ADGRF5: variants seen among roughly 807,000 people sequenced by gnomAD.
The protein encoded by ADGRF5 is G-protein coupled receptor 116.
In ADGRF5, 75 loss-of-function variants were observed where a neutral mutation model predicts 132.3. The ratio of observed to expected loss-of-function variants is 0.57; its 90% CI spans 0.47 to 0.69. ADGRF5 has a LOEUF of 0.69. Ranked by LOEUF, ADGRF5 falls within the 30% of genes least tolerant of loss-of-function variation. The pLI is 0.00. For missense variants in ADGRF5, 1,516 were observed against 1,630.6 expected, an observed-to-expected ratio of 0.93 and a Z score of 1.21; for synonymous variants, 629 against 597.6, an observed-to-expected ratio of 1.05 and a Z score of -0.77.
At chr6:46,896,164 G>A (rs532141251) in intron 3 of ADGRF5, among the ~76,000 whole-genome samples, 21 of 152,232 alleles carry the variant, frequency 1.4e-4, no homozygotes, top group African/African-American at 5.1e-4. Context: ...TAACCATGGG[G>A]ATACTTTTCA....
At chr6:46,910,693 T>TCAACCAAC (rs150305794) in intron 1 of ADGRF5, among the ~76,000 whole-genome samples, 1 of 151,930 alleles carries the variant, frequency 6.6e-6, no homozygotes. Flanking sequence ...TGGTGGGAAA[T>TCAACCAAC]CAACCAACCA....
In ADGRF5 at chr6:46,860,813, G is replaced by A; in HGVS notation, c.2281C>T (p.His761Tyr). The change falls in exon 16 of 21, where the codon CAT (histidine) becomes TAT (tyrosine). Residue 761 changes from histidine (H) to tyrosine (Y), a missense_variant. Around this residue, in one of 2 missense-constraint regions of ADGRF5, gnomAD observed 945 missense variants for 929.4 expected, o/e 1.02. Coordinates refer to ENST00000283296, the MANE Select transcript of ADGRF5 (RefSeq NM_001098518.2). ...CTCCCAGGAGAAGAGCTGATTTCAT[G>A]TTCCGCTTTGTCTATGCTAATAGAA... ...DLSISIDKAE[H>Y]EISSSPGSLG... is the part of the protein sequence containing the mutation. The A allele has an allele frequency of 6.2e-7, 1 of 1,613,388 alleles. No individual in the cohort carries two copies. The highest frequency in any genetic ancestry group is 8.5e-7 in the Non-Finnish European group (1 of 1,179,300).
Position 46,944,164 on chromosome 6 carries a change from G to A in ADGRF5, c.-25+10570C>T, listed in dbSNP as rs575828851. Among the ~76,000 whole-genome samples the A allele has an allele frequency of 3.6e-4, 55 of 152,310 alleles. 1 individual carries two copies. The highest frequency in any genetic ancestry group is 3.3e-4 in the Admixed American group (5 of 15,306). On this transcript the variant is annotated intron_variant, in intron 1 of 20. Coordinates refer to the ADGRF5 transcript ENST00000265417. ...AGTTTTCTAGAAGACCAGTAGAAGC[G>A]GGAGAAGCAGGGGCATGGTTTCAGG...
At chr6:46,900,164 A>C in intron 2 of ADGRF5, 81 bp from the exon 3 acceptor site, 1 of 890,388 alleles carries the variant, frequency 1.1e-6, no homozygotes, top group Non-Finnish European at 1.8e-6. Flanking sequence ...ATACCCCTAA[A>C]TGTTGGAGCT....
In ADGRF5 at chr6:46,877,306, T is replaced by TCTCCTTCCTTCC. The variant is rs369575219; in HGVS notation, c.1240+895_1240+896insGGAAGGAAGGAG. Among the ~76,000 whole-genome samples, 282 of 77,080 alleles carry TCTCCTTCCTTCC rather than the reference T, an allele frequency of 3.7e-3. 2 individuals carry two copies. Among genetic ancestry groups the TCTCCTTCCTTCC allele is most frequent in the East Asian group, 4.8e-3 (12 of 2,510 alleles). The allele number at this position is 77,080 out of a possible 152,430, so 50.6% of individuals were successfully genotyped here. On this transcript the variant is annotated intron_variant, in intron 10 of 20. Transcript: ENST00000283296. The stretch of plus-strand genomic sequence containing the variant: ...TTCTTTCTTTCTCTCTCTCTCTCTC[T>TCTCCTTCCTTCC]TTCCTTCCTTCCTTCCTTCTTTCTT...
chr6:46,871,219 C>T (rs917970053), intron 11 of ADGRF5, among the ~76,000 whole-genome samples: 16 of 152,028 alleles, frequency 1.1e-4, no homozygotes, highest in Admixed American at 2.0e-4. Flanking sequence ...CCTCTTTTTA[C>T]ACGTGGGGTG....
At chr6:46,932,465 C>A (rs2150936313) in intron 1 of ADGRF5, among the ~76,000 whole-genome samples, 1 of 152,254 alleles carries the variant, frequency 6.6e-6, no homozygotes, top group South Asian at 2.1e-4. Flanking sequence ...AGAAAAGTCA[C>A]AGCATGGTTG....
rs547448559 is a variant in ADGRF5, at chr6:46,875,197, G to T, written c.1240+3005C>A. On this transcript the variant is annotated intron_variant, in intron 10 of 20. Transcript: ENST00000283296. Reference sequence around the variant, plus strand: ...AAGAGTGGAGAAAAGGCTCCAAAGAGGTGGTAAACTCAGAAAACACAAGCA... The same window carrying T: ...AAGAGTGGAGAAAAGGCTCCAAAGATGTGGTAAACTCAGAAAACACAAGCA... Among the ~76,000 whole-genome samples the T allele has an allele frequency of 9.2e-5, 14 of 152,218 alleles. No homozygotes were observed. In the East Asian group the frequency reaches 2.7e-3, roughly 29 times the overall value.
At chr6:46,899,149 G>T in intron 3 of ADGRF5, among the ~76,000 whole-genome samples, 1 of 152,124 alleles carries the variant, frequency 6.6e-6, no homozygotes. Context: ...GCCTAACAGG[G>T]CAAGAGTTCA....
chr6:46,948,712 A>G (rs1778389467), intron 1 of ADGRF5, among the ~76,000 whole-genome samples: 1 of 152,224 alleles, frequency 6.6e-6, no homozygotes, highest in South Asian at 2.1e-4. Context: ...CTGACGCTTT[A>G]CTTTTGAATT....
chr6:46,868,267 T>G (rs1291766264), intron 12 of ADGRF5, among the ~76,000 whole-genome samples: 1 of 152,238 alleles, frequency 6.6e-6, no homozygotes, highest in Non-Finnish European at 1.5e-5. Context: ...TGAGTCTCAG[T>G]TTCCTCATCT....
At chr6:46,894,131 C>T (rs550199888) in intron 3 of ADGRF5, among the ~76,000 whole-genome samples, 2 of 152,270 alleles carry the variant, frequency 1.3e-5, no homozygotes, top group Non-Finnish European at 2.9e-5. Context: ...GCAATTTTAC[C>T]ATTGATGGTT....
upstream of ADGRF5, among the ~76,000 whole-genome samples, chr6:46,924,627 G>A (rs139432381): frequency 1.2e-4 from 18 of 152,154 alleles, 2 homozygotes; most frequent in East Asian, 3.3e-3. Context: ...CCTGACCCAC[G>A]TATTCAACTG....
chr6:46,900,335 C>T (rs1774625323), intron 2 of ADGRF5, among the ~76,000 whole-genome samples: 1 of 152,062 alleles, frequency 6.6e-6, no homozygotes, highest in Non-Finnish European at 1.5e-5. Flanking sequence ...CAGAAGAAAT[C>T]ATCATATCTG....
At chr6:46,953,913 A>G (rs559440884) in intron 1 of ADGRF5, among the ~76,000 whole-genome samples, 1 of 152,042 alleles carries the variant, frequency 6.6e-6, no homozygotes, top group Admixed American at 6.6e-5. Context: ...CTCTTAGAGT[A>G]AAGGCTGGTT....
chr6:46,877,364 T>C (rs1771919467), intron 10 of ADGRF5, among the ~76,000 whole-genome samples: 2 of 53,518 alleles, frequency 3.7e-5, no homozygotes, highest in Admixed American at 1.8e-4. Context: ...TTTCTTTCTT[T>C]CTTTCTTTCT....
chr6:46,902,409 G>A (rs997468545), intron 2 of ADGRF5, among the ~76,000 whole-genome samples: 1 of 152,170 alleles, frequency 6.6e-6, no homozygotes, highest in Non-Finnish European at 1.5e-5. Context: ...TTTCCAATAG[G>A]ACTAAAGCAT....
At chr6:46,905,125 A>G (rs1001400188) in intron 2 of ADGRF5, 1 of 152,300 alleles carries the variant, frequency 6.6e-6, no homozygotes, top group African/African-American at 2.4e-5. Flanking sequence ...GCTGGAACAG[A>G]GGCAAAGCTA....
At chr6:46,902,339 C>T (rs1774863631) in intron 2 of ADGRF5, among the ~76,000 whole-genome samples, 3 of 152,210 alleles carry the variant, frequency 2.0e-5, no homozygotes, top group Admixed American at 2.0e-4. Flanking sequence ...CACAGGAGAA[C>T]TTGACCGCCA....
Sources: gnomAD v4.1 joint callset for allele counts (sites outside exome capture counted in the v4.1 genomes callset) on GRCh38, gnomAD v4.1.1 for gene constraint, gnomAD v4.1.1 regional missense constraint, MANE v1.5 for transcripts, NCBI Gene and HGNC (gene_info 2026-07-23, HGNC 2026-07-21) for gene names.